The following PPARGC1A variants were observed in gnomAD, a reference collection of about 807,000 sequenced individuals.
The protein encoded by PPARGC1A is PPARG coactivator 1 alpha, also known as peroxisome proliferator-activated receptor gamma coactivator 1-alpha.
In PPARGC1A, 25 loss-of-function variants were observed where a neutral mutation model predicts 88.7. The ratio of observed to expected loss-of-function variants is 0.28; its 90% CI spans 0.21 to 0.39. The LOEUF (loss-of-function observed/expected upper bound fraction) is 0.39, where lower values mean the gene tolerates loss of function less well. Ranked by LOEUF, PPARGC1A falls within the 10% of genes least tolerant of loss-of-function variation. The probability of loss-of-function intolerance (pLI) is 1.00; values close to 1 mark genes in which losing one functional copy is unlikely to be tolerated. For synonymous variants in PPARGC1A, 363 were observed against 355.6 expected (o/e 1.02, Z -0.24); for missense variants, 880 against 968.7 (o/e 0.91, Z 1.22).
chr4:24,089,502 TTTCTTTTCTTTC>T, the PPARGC1A span, among the ~76,000 whole-genome samples: 5 of 94,210 alleles, frequency 5.3e-5, 1 homozygote, highest in Non-Finnish European at 4.4e-5. Context: ...TTTCTTTTCT[TTTCTTTTCTTTC>T]TTTTTTTTTT....
chr4:24,287,989 C>G, the PPARGC1A span, among the ~76,000 whole-genome samples: 3 of 152,094 alleles, frequency 2.0e-5, no homozygotes, highest in African/African-American at 7.2e-5. Context: ...TGCTCACACC[C>G]TCTCTCCCTC....
the PPARGC1A span, among the ~76,000 whole-genome samples, chr4:23,958,400 G>A: frequency 6.6e-5 from 10 of 152,034 alleles, no homozygotes; most frequent in African/African-American, 2.4e-4. Flanking sequence ...GATTTCAGAT[G>A]TACCACAAAT....
chr4:24,253,735 C>CT, the PPARGC1A span, among the ~76,000 whole-genome samples: 60,492 of 152,102 alleles, frequency 0.4, 12,671 homozygotes, highest in Non-Finnish European at 0.47. Flanking sequence ...CCTCACTTGC[C>CT]TAGTGCCAGC....
chr4:24,345,129 C>T, the PPARGC1A span, among the ~76,000 whole-genome samples: 2 of 152,090 alleles, frequency 1.3e-5, no homozygotes, highest in African/African-American at 4.8e-5. Context: ...TATTTTTATA[C>T]CAGTACCACA....
chr4:24,444,752 T>C, the PPARGC1A span, among the ~76,000 whole-genome samples: 1 of 152,154 alleles, frequency 6.6e-6, no homozygotes, highest in Non-Finnish European at 1.5e-5. Flanking sequence ...TGAGTCTGTA[T>C]CTGCTTGAAA....
the PPARGC1A span, among the ~76,000 whole-genome samples, chr4:24,081,586 T>C: frequency 6.6e-6 from 1 of 152,066 alleles, no homozygotes; most frequent in African/African-American, 2.4e-5. Flanking sequence ...ACAATTTCAA[T>C]TGTTGGGGTT....
the PPARGC1A span, among the ~76,000 whole-genome samples, chr4:24,263,405 C>A: frequency 2.0e-5 from 3 of 151,568 alleles, no homozygotes; most frequent in Non-Finnish European, 4.4e-5. Context: ...TGTTTTAGGC[C>A]CTGTAGTGGA....
At chr4:23,911,942 C>A in the PPARGC1A span, among the ~76,000 whole-genome samples, 4 of 152,142 alleles carry the variant, frequency 2.6e-5, no homozygotes, top group Admixed American at 2.6e-4. Context: ...AAGGTGTGAT[C>A]CTGGAAGCTT....
chr4:24,319,175 G>A, the PPARGC1A span, among the ~76,000 whole-genome samples: 1 of 152,052 alleles, frequency 6.6e-6, no homozygotes, highest in African/African-American at 2.4e-5. Context: ...GCAAGACCTT[G>A]TCTCTACAAA....
chr4:24,202,602 G>T, the PPARGC1A span, among the ~76,000 whole-genome samples: 1 of 152,104 alleles, frequency 6.6e-6, no homozygotes, highest in Admixed American at 6.5e-5. Flanking sequence ...TCAAAGCATT[G>T]TGGCAAAAGG....
chr4:23,942,133 T>C, the PPARGC1A span, among the ~76,000 whole-genome samples: 4 of 152,148 alleles, frequency 2.6e-5, no homozygotes, highest in Admixed American at 2.6e-4. Context: ...ATTTTTACCT[T>C]AATGGAATGA....
intron 2 of PPARGC1A, among the ~76,000 whole-genome samples, chr4:23,836,115 C>CA (rs1457932827): frequency 1.3e-5 from 2 of 152,004 alleles, no homozygotes; most frequent in Non-Finnish European, 2.9e-5. Flanking sequence ...TACTATTTTA[C>CA]AAAAAATATA....
the PPARGC1A span, among the ~76,000 whole-genome samples, chr4:24,415,033 T>C: frequency 1.3e-5 from 2 of 151,862 alleles, no homozygotes; most frequent in Non-Finnish European, 2.9e-5. Context: ...CTACTAAAAA[T>C]AGAAAAATTA....
At chr4:24,239,531 G>A in the PPARGC1A span, among the ~76,000 whole-genome samples, 7 of 152,144 alleles carry the variant, frequency 4.6e-5, no homozygotes, top group Admixed American at 4.6e-4. Context: ...TCTATAAAAT[G>A]AGATTAGGGA....
chr4:23,988,667 CA>C, the PPARGC1A span, among the ~76,000 whole-genome samples: 1 of 151,392 alleles, frequency 6.6e-6, no homozygotes, highest in Non-Finnish European at 1.5e-5. Flanking sequence ...TTATGTAGAA[CA>C]GGCATTAAAT....
At chr4:24,072,172 A>G in the PPARGC1A span, among the ~76,000 whole-genome samples, 1 of 146,530 alleles carries the variant, frequency 6.8e-6, no homozygotes, top group African/African-American at 2.5e-5. Flanking sequence ...TTATATTATT[A>G]AATTAAATAA....
At chr4:24,141,836 C>T in the PPARGC1A span, among the ~76,000 whole-genome samples, 53,696 of 151,916 alleles carry the variant, frequency 0.35, 11,501 homozygotes, top group African/African-American at 0.59. Flanking sequence ...ACACTCAGTT[C>T]CCTTCCATGA....
At chr4:24,158,534 T>C in the PPARGC1A span, among the ~76,000 whole-genome samples, 1 of 152,204 alleles carries the variant, frequency 6.6e-6, no homozygotes, top group Non-Finnish European at 1.5e-5. Flanking sequence ...GGTGAGCTTT[T>C]ACAGGCCTAG....
intron 2 of PPARGC1A, among the ~76,000 whole-genome samples, chr4:23,844,742 CATAATATATGATATATATTATA>C (rs1553889203): frequency 0.049 from 1,146 of 23,622 alleles, 7 homozygotes; most frequent in African/African-American, 0.15. Context: ...TATGATATAT[CATAATATATGATATATATTATA>C]ATAATATATG....
Sources: allele counts gnomAD v4.1 joint callset (sites outside exome capture counted in the v4.1 genomes callset), GRCh38; gene constraint gnomAD v4.1.1; transcripts MANE v1.5; gene names NCBI Gene and HGNC (gene_info 2026-07-23, HGNC 2026-07-21).